Variants in BRINP1 observed in about 807,000 individuals in gnomAD.
The protein encoded by BRINP1 is BMP/retinoic acid-inducible neural-specific protein 1.
BRINP1 carries 17 observed loss-of-function variants against 72.9 expected under a neutral mutation model. The observed-to-expected ratio is 0.23, with a 90% CI of 0.16 to 0.35. The LOEUF is 0.35. Among genes scored for constraint, BRINP1 ranks in the 10% least tolerant of loss-of-function variants. The pLI, the probability that BRINP1 is intolerant of heterozygous loss-of-function variation, is 1.00. For synonymous variants in BRINP1, 418 were observed against 378.5 expected, an observed-to-expected ratio of 1.10 and a Z score of -1.21; for missense variants, 850 against 1,001.6, an observed-to-expected ratio of 0.85 and a Z score of 2.04.
chr9:119,239,959 C>T (rs1284433477), intron 4 of BRINP1, among the ~76,000 whole-genome samples: 4 of 151,952 alleles, frequency 2.6e-5, no homozygotes, highest in Non-Finnish European at 2.9e-5. Flanking sequence ...CTTCTCCGCC[C>T]GGGTTAGTGG....
At position 119,167,234 on chromosome 9, in the gene BRINP1, CGGGGCCACAGGA is replaced by C; in HGVS notation, c.2124_2135del (p.Pro709_Pro712del). On this transcript the variant is annotated inframe_deletion, in exon 8 of 8. Transcript: ENST00000265922. This position sits in a 1 kb window ranked among gnomAD's most constrained non-coding sequence, Gnocchi z 4.3. ...AGAACAAGTCCAGCTGGGGTTTCCCCGGGGCCACAGGAGGGGCCAGGCGATTAATTCGGTCCC... is the reference window on the plus strand; with the variant it reads ...AGAACAAGTCCAGCTGGGGTTTCCCCGGGGCCAGGCGATTAATTCGGTCCC... 1.9e-6 allele frequency: 3 copies of C among 1,614,122 alleles called. No individual in the cohort carries two copies. Among genetic ancestry groups the C allele is most frequent in the Non-Finnish European group, 2.5e-6 (3 of 1,180,034 alleles).
At chr9:119,282,155 C>T (rs560973255) in intron 2 of BRINP1, among the ~76,000 whole-genome samples, 1 of 152,288 alleles carries the variant, frequency 6.6e-6, no homozygotes, top group South Asian at 2.1e-4. Flanking sequence ...TTGACAAGGC[C>T]CTTCACCCTA....
intron 1 of BRINP1, among the ~76,000 whole-genome samples, chr9:119,320,469 A>G (rs1297964408): frequency 4.6e-5 from 7 of 152,176 alleles, no homozygotes; most frequent in African/African-American, 1.4e-4. Context: ...CAAAGAGCTT[A>G]TTTTTGGTTA....
chr9:119,242,283 C>A, intron 3 of BRINP1, 67 bp from the exon 4 acceptor site: 2 of 1,320,962 alleles, frequency 1.5e-6, no homozygotes, highest in South Asian at 1.3e-5. Context: ...AGGGATGGGA[C>A]CTGGATGCTG....
rs534023588 is a variant in BRINP1 at position 119,352,321 on chromosome 9, A to G, written c.-51+16735T>C. ...AAGAATATTTATATTTTAGTGCTAC[A>G]TATGTATTTTTTTTGAATTGGGAAA... On this transcript the variant is annotated intron_variant, in intron 1 of 7. Coordinates refer to ENST00000265922, the MANE Select transcript of BRINP1 (RefSeq NM_014618.3). Among the ~76,000 whole-genome samples the G allele has an allele frequency of 1.0e-3, 155 of 152,302 alleles. 3 individuals carry two copies. The highest frequency in any genetic ancestry group is 3.6e-3 in the African/African-American group (150 of 41,558).
intron 1 of BRINP1, among the ~76,000 whole-genome samples, chr9:119,315,715 T>C (rs1440831304): frequency 6.6e-6 from 1 of 152,188 alleles, no homozygotes. Context: ...GAAAAGTCCT[T>C]TAAGGAAATT....
At chr9:119,313,560 A>G (rs1831091720) in intron 1 of BRINP1, among the ~76,000 whole-genome samples, 155 bp from the exon 2 acceptor site, 1 of 152,228 alleles carries the variant, frequency 6.6e-6, no homozygotes, top group Admixed American at 6.5e-5. Flanking sequence ...AGTGCTTTAA[A>G]GTTTATAAAA....
At chr9:119,185,710 A>T (rs1238391950) in intron 7 of BRINP1, among the ~76,000 whole-genome samples, 3 of 152,218 alleles carry the variant, frequency 2.0e-5, no homozygotes, top group African/African-American at 7.2e-5. Context: ...GGTCAGGATT[A>T]GCTCAGAACC....
chr9:119,181,195 T>G (rs1829553020), intron 7 of BRINP1, among the ~76,000 whole-genome samples: 1 of 152,190 alleles, frequency 6.6e-6, no homozygotes, highest in South Asian at 2.1e-4. Context: ...AAGAGTGGTT[T>G]ATTCTTCTTG....
At chr9:119,262,019 A>G (rs745901327) in intron 2 of BRINP1, among the ~76,000 whole-genome samples, 1 of 152,206 alleles carries the variant, frequency 6.6e-6, no homozygotes, top group Admixed American at 6.5e-5. Context: ...ATGCTTAAGC[A>G]TAAATGTATG....
At chr9:119,352,497 G>A (rs1362513955) in intron 1 of BRINP1, among the ~76,000 whole-genome samples, 1 of 151,916 alleles carries the variant, frequency 6.6e-6, no homozygotes, top group African/African-American at 2.4e-5. Flanking sequence ...GCAGTGGTGC[G>A]ATCTCAGCTC....
Position 119,348,359 on chromosome 9 carries a change from A to G in BRINP1, c.-51+20697T>C, listed in dbSNP as rs536813346. ...GATATCACAGTTTATCAGTTTACCT[A>G]TTGAAGGATATCTTAGTTGCTTCCG... On this transcript the variant is annotated intron_variant, in intron 1 of 7. Coordinates refer to ENST00000265922, the MANE Select transcript of BRINP1 (RefSeq NM_014618.3). Among the ~76,000 whole-genome samples, 183 of 152,296 alleles carry G rather than the reference A, an allele frequency of 1.2e-3. 1 individual carries two copies. The highest frequency in any genetic ancestry group is 2.1e-3 in the Non-Finnish European group (140 of 68,018).
At chr9:119,182,383 CAG>C (rs1361533681) in intron 7 of BRINP1, among the ~76,000 whole-genome samples, 9 of 152,166 alleles carry the variant, frequency 5.9e-5, no homozygotes, top group African/African-American at 2.2e-4. Context: ...CTTTCAATGA[CAG>C]AATATATTTG....
chr9:119,284,004 G>A (rs900035063), intron 2 of BRINP1, among the ~76,000 whole-genome samples: 1 of 152,098 alleles, frequency 6.6e-6, no homozygotes, highest in Non-Finnish European at 1.5e-5. Context: ...GAATTCCCAG[G>A]TCCCACCTGA....
intron 7 of BRINP1, among the ~76,000 whole-genome samples, chr9:119,206,203 G>A (rs945202653): frequency 9.9e-5 from 15 of 151,860 alleles, no homozygotes; most frequent in African/African-American, 3.4e-4. Context: ...ATCACCTGAC[G>A]CCAAGAGTTT....
intron 7 of BRINP1, among the ~76,000 whole-genome samples, chr9:119,173,032 A>G (rs1468274499): frequency 1.4e-5 from 2 of 147,268 alleles, no homozygotes; most frequent in East Asian, 3.9e-4. Context: ...ATCATACTGA[A>G]TGGGCAAAAA....
rs774337396 is a variant in BRINP1, at chr9:119,242,160, T to A, written c.466A>T (p.Asn156Tyr). The change falls in exon 4 of 8, where the codon AAT becomes TAT. Residue 156 changes from asparagine (N) to tyrosine (Y), a missense_variant. Coordinates refer to ENST00000265922, the MANE Select transcript of BRINP1 (RefSeq NM_014618.3). Reference sequence around the variant, plus strand: ...AGAGCTTCAACACTTTGAGTGGCATTCCCTGACTTCCTGTCGAGGCGACTT... The same window carrying A: ...AGAGCTTCAACACTTTGAGTGGCATACCCTGACTTCCTGTCGAGGCGACTT... ...DKSRLDRKSG[N>Y]ATQSVEALHQ... The A allele has an allele frequency of 6.2e-7, 1 of 1,614,180 alleles. No individual in the cohort carries two copies. The highest frequency in any genetic ancestry group is 8.5e-7 in the Non-Finnish European group (1 of 1,180,034).
At chr9:119,203,010 G>T (rs1156690678) in intron 7 of BRINP1, among the ~76,000 whole-genome samples, 2 of 152,010 alleles carry the variant, frequency 1.3e-5, no homozygotes, top group Non-Finnish European at 2.9e-5. Context: ...TTAATTCAGG[G>T]CTCCATGTTC....
At chr9:119,177,331 C>G (rs1039998224) in intron 7 of BRINP1, among the ~76,000 whole-genome samples, 1 of 152,094 alleles carries the variant, frequency 6.6e-6, no homozygotes, top group African/African-American at 2.4e-5. Context: ...GGAAACGGAG[C>G]TGGAATAATA....
Sources: gnomAD v4.1 joint callset for allele counts (sites outside exome capture counted in the v4.1 genomes callset) on GRCh38, gnomAD v4.1.1 for gene constraint, Gnocchi (gnomAD v3.1) non-coding constraint, MANE v1.5 for transcripts, NCBI Gene and HGNC (gene_info 2026-07-23, HGNC 2026-07-21) for gene names.